The following DCUN1D5 variants were observed in gnomAD, a reference collection of about 807,000 sequenced individuals.
The protein encoded by DCUN1D5 is defective in cullin neddylation 1 domain containing 5, also known as DCN1-like protein 5.
DCUN1D5 carries 10 observed loss-of-function variants against 38.3 expected under a neutral mutation model. That is an observed-to-expected ratio of 0.26 (90% CI 0.16 to 0.44). The LOEUF (loss-of-function observed/expected upper bound fraction) is 0.44, where lower values mean the gene tolerates loss of function less well. Ranked by LOEUF, DCUN1D5 falls within the 20% of genes least tolerant of loss-of-function variation. The probability of loss-of-function intolerance (pLI) is 1.00; values close to 1 mark genes in which losing one functional copy is unlikely to be tolerated. For synonymous variants in DCUN1D5, 93 were observed against 90.9 expected, an observed-to-expected ratio of 1.02 and a Z score of -0.13; for missense variants, 148 against 275.3, an observed-to-expected ratio of 0.54 and a Z score of 3.27.
At position 103,058,706 on chromosome 11, in the gene DCUN1D5, A is replaced by T. The variant is rs1165777223; in HGVS notation, c.*3653T>A. Among the ~76,000 whole-genome samples, 1 of 152,136 alleles carries T rather than the reference A, an allele frequency of 6.6e-6. No homozygotes were observed. Among genetic ancestry groups the T allele is most frequent in the Non-Finnish European group, 1.5e-5 (1 of 67,996 alleles). On this transcript the variant is annotated 3_prime_UTR_variant, in exon 8 of 8. Coordinates refer to ENST00000260247, the MANE Select transcript of DCUN1D5 (RefSeq NM_032299.4). ...TCCAGAATATTTAATAATTCAGACTAGCCTTTCCTATTGAGGAAGTTAATG... is the reference window on the plus strand; with the variant it reads ...TCCAGAATATTTAATAATTCAGACTTGCCTTTCCTATTGAGGAAGTTAATG...
Position 103,063,635 on chromosome 11 carries a change from G to C in DCUN1D5, c.658+640C>G, listed in dbSNP as rs1382218026. On this transcript the variant is annotated intron_variant, in intron 7 of 7. Transcript: ENST00000260247. This position sits in a 1 kb window ranked among gnomAD's most constrained non-coding sequence, Gnocchi z 4.6. ...GAAAACACATGCAACCAACCAAAAT[G>C]GTGGTTGGAACTGAAAAAAATTTAT... Among the ~76,000 whole-genome samples, 1 of 152,012 alleles carries C rather than the reference G, an allele frequency of 6.6e-6. No individual in the cohort carries two copies. Among genetic ancestry groups the C allele is most frequent in the Non-Finnish European group, 1.5e-5 (1 of 67,958 alleles).
Position 103,071,275 on chromosome 11 carries a change from A to G in DCUN1D5, c.342-4708T>C, listed in dbSNP as rs1591211445. Among the ~76,000 whole-genome samples, 1 of 152,034 alleles carries G rather than the reference A, an allele frequency of 6.6e-6. No individual in the cohort carries two copies. Among genetic ancestry groups the G allele is most frequent in the Non-Finnish European group, 1.5e-5 (1 of 67,940 alleles). The stretch of plus-strand genomic sequence containing the variant: ...ATTGAAAAGATCAATAAAATTGACA[A>G]TTCTCTAACAAGACTGACAAAAAAG... On this transcript the variant is annotated intron_variant, in intron 4 of 7. Coordinates refer to ENST00000260247, the MANE Select transcript of DCUN1D5 (RefSeq NM_032299.4). The surrounding 1 kb of genome is among the most constrained non-coding windows in gnomAD (Gnocchi z 4.1).
intron 3 of DCUN1D5, 46 bp from the exon 4 acceptor site, chr11:103,082,885 G>A (rs1189085091): frequency 2.1e-6 from 3 of 1,396,758 alleles, no homozygotes; most frequent in Admixed American, 3.5e-5. Context: ...TCAGCATAGA[G>A]ATAATCATGT....
rs529717877 is a variant in DCUN1D5, at chr11:103,060,778, C to T, written c.*1581G>A. On this transcript the variant is annotated 3_prime_UTR_variant, in exon 8 of 8. Transcript: ENST00000260247. Reference sequence around the variant, plus strand: ...GGATATGTTCTTCAGTTCAGATGTGCCTTGAAGAGTCAACTAAATTATAAA... The same window carrying T: ...GGATATGTTCTTCAGTTCAGATGTGTCTTGAAGAGTCAACTAAATTATAAA... Among the ~76,000 whole-genome samples the T allele has an allele frequency of 6.6e-6, 1 of 152,066 alleles. No homozygotes were observed. Among genetic ancestry groups the T allele is most frequent in the Non-Finnish European group, 1.5e-5 (1 of 67,972 alleles).
In DCUN1D5 at chr11:103,091,596, G is replaced by A. The variant is rs1329785905; in HGVS notation, c.86+191C>T. 9.5e-6 allele frequency: 9 copies of A among 949,690 alleles called. No individual in the cohort carries two copies. The highest frequency in any genetic ancestry group is 1.4e-5 in the Non-Finnish European group (9 of 628,468). The allele number at this position is 949,690 out of a possible 1,614,324, so 58.8% of individuals were successfully genotyped here. On this transcript the variant is annotated intron_variant, in intron 1 of 7. Transcript: ENST00000260247. This position sits in a 1 kb window ranked among gnomAD's most constrained non-coding sequence, Gnocchi z 4.3. ...TTCTAGTCTCTCCATAAACGCCAGC[G>A]TGCACACACTCGAACACGAGGTCGG...
Position 103,058,544 on chromosome 11 carries a change from T to G in DCUN1D5, c.*3815A>C, listed in dbSNP as rs1008747085. Among the ~76,000 whole-genome samples the G allele has an allele frequency of 6.6e-6, 1 of 152,148 alleles. No homozygotes were observed. The highest frequency in any genetic ancestry group is 1.9e-4 in the East Asian group (1 of 5,204). Reference sequence around the variant, plus strand: ...CAGTCTGTAAGTTTATCATAAAAATTAGACTGCTTTTTGGGCTTCCACCAT... The same window carrying G: ...CAGTCTGTAAGTTTATCATAAAAATGAGACTGCTTTTTGGGCTTCCACCAT... On this transcript the variant is annotated 3_prime_UTR_variant, in exon 8 of 8. Coordinates refer to ENST00000260247, the MANE Select transcript of DCUN1D5 (RefSeq NM_032299.4).
rs1591224710 is a variant in DCUN1D5 at position 103,082,948 on chromosome 11, T to C, written c.250-109A>G. ...CACAACTACTTCCATCCTTCAACTATTAAAGAGTACAACCTCTGGAATTAT... is the reference window on the plus strand; with the variant it reads ...CACAACTACTTCCATCCTTCAACTACTAAAGAGTACAACCTCTGGAATTAT... On this transcript the variant is annotated intron_variant, in intron 3 of 7. Coordinates refer to ENST00000260247, the MANE Select transcript of DCUN1D5 (RefSeq NM_032299.4). 5.1e-6 allele frequency: 4 copies of C among 789,440 alleles called. No homozygotes were observed. The African/African-American group carries it at 5.2e-5, about 10-fold the overall frequency. The allele number at this position is 789,440 out of a possible 1,614,324, so 48.9% of individuals were successfully genotyped here.
At position 103,053,871 on chromosome 11, in the gene DCUN1D5, T is replaced by C. The variant is rs956361381; in HGVS notation, c.*8488A>G. 16 of 152,116 alleles carry C rather than the reference T, an allele frequency of 1.1e-4. No individual in the cohort carries two copies. The highest frequency in any genetic ancestry group is 3.6e-4 in the African/African-American group (15 of 41,446). The allele number at this position is 152,116 out of a possible 1,614,324, so 9.4% of individuals were successfully genotyped here. A position where few individuals can be genotyped will look rare whatever the true frequency, so the allele number is the denominator to read the frequency against. On this transcript the variant is annotated 3_prime_UTR_variant, in exon 8 of 8. Transcript: ENST00000260247. The surrounding 1 kb of genome is among the most constrained non-coding windows in gnomAD (Gnocchi z 4.8). ...GAGGTTCAATTGATGTTTTTCCAGATAGCAAAGAGTAACTAATATTTACTG... is the reference window on the plus strand; with the variant it reads ...GAGGTTCAATTGATGTTTTTCCAGACAGCAAAGAGTAACTAATATTTACTG...
chr11:103,068,923 A>G (rs1472185354), intron 4 of DCUN1D5, among the ~76,000 whole-genome samples: 2 of 152,210 alleles, frequency 1.3e-5, no homozygotes, highest in Non-Finnish European at 2.9e-5. Context: ...CTTGACAAGA[A>G]CTGTTTTGAA....
Position 103,059,445 on chromosome 11 carries a change from T to C in DCUN1D5, c.*2914A>G, listed in dbSNP as rs1299431097. ...AAGAGAAATACTCCTCAATCTAACATTCCCAAAGAAGGCTTCAAATTGCAG... is the reference window on the plus strand; with the variant it reads ...AAGAGAAATACTCCTCAATCTAACACTCCCAAAGAAGGCTTCAAATTGCAG... On this transcript the variant is annotated 3_prime_UTR_variant, in exon 8 of 8. Transcript: ENST00000260247. Among the ~76,000 whole-genome samples the C allele has an allele frequency of 6.6e-6, 1 of 152,068 alleles. No homozygotes were observed. The highest frequency in any genetic ancestry group is 1.5e-5 in the Non-Finnish European group (1 of 68,008).
In DCUN1D5 at chr11:103,071,463, T is replaced by C. The variant is rs1385845291; in HGVS notation, c.342-4896A>G. Among the ~76,000 whole-genome samples, 1 of 151,292 alleles carries C rather than the reference T, an allele frequency of 6.6e-6. No homozygotes were observed. On this transcript the variant is annotated intron_variant, in intron 4 of 7. Coordinates refer to ENST00000260247, the MANE Select transcript of DCUN1D5 (RefSeq NM_032299.4). The surrounding 1 kb of genome is among the most constrained non-coding windows in gnomAD (Gnocchi z 4.1). ...ACACACACAAATTTTTCTACACATATAAAGATTTTTATACAGGTATAATCT... is the reference window on the plus strand; with the variant it reads ...ACACACACAAATTTTTCTACACATACAAAGATTTTTATACAGGTATAATCT...
rs532033238 is a variant in DCUN1D5 at position 103,065,345 on chromosome 11, C to T, written c.555+924G>A. 2.2e-4 allele frequency among the ~76,000 whole-genome samples: 34 copies of T among 151,970 alleles called. No individual in the cohort carries two copies. Among genetic ancestry groups the T allele is most frequent in the Admixed American group, 9.2e-4 (14 of 15,256 alleles). On this transcript the variant is annotated intron_variant, in intron 6 of 7. Coordinates refer to ENST00000260247, the MANE Select transcript of DCUN1D5 (RefSeq NM_032299.4). The surrounding 1 kb of genome is among the most constrained non-coding windows in gnomAD (Gnocchi z 4.6). ...TTTTTGTGTGTATTTTTAGTAGAGA[C>T]GGGGATTCACCATGTTGGCCAGGCT...
intron 4 of DCUN1D5, chr11:103,080,057 C>T (rs564679693): frequency 6.6e-6 from 1 of 152,286 alleles, no homozygotes; most frequent in East Asian, 1.9e-4. Flanking sequence ...TAAAGCATTA[C>T]ACAATATAGA....
rs536028082 is a variant in DCUN1D5, at chr11:103,066,126, G to T, written c.555+143C>A. 2.1e-5 allele frequency: 9 copies of T among 432,354 alleles called. No individual in the cohort carries two copies. Among genetic ancestry groups the T allele is most frequent in the African/African-American group, 8.2e-5 (4 of 48,718 alleles). 26.8% of individuals were successfully genotyped at this position (432,354 alleles called of 1,614,324 possible). A position where few individuals can be genotyped will look rare whatever the true frequency, so the allele number is the denominator to read the frequency against. On this transcript the variant is annotated intron_variant, in intron 6 of 7. Transcript: ENST00000260247. The surrounding 1 kb of genome is among the most constrained non-coding windows in gnomAD (Gnocchi z 4.7). ...AAACATGAACTTCTATCTAAAAATA[G>T]CAACTGATATGTACATATTTTAGAA...
rs1382225554 is a variant in DCUN1D5 at position 103,073,020 on chromosome 11, G to A, written c.342-6453C>T. ...GTCTATACAGAAAACATCTTAGAAC[G>A]AACAGGTGAGTTCAGCAAGGTCACA... On this transcript the variant is annotated intron_variant, in intron 4 of 7. Coordinates refer to ENST00000260247, the MANE Select transcript of DCUN1D5 (RefSeq NM_032299.4). This position sits in a 1 kb window ranked among gnomAD's most constrained non-coding sequence, Gnocchi z 4.2. 3.9e-5 allele frequency among the ~76,000 whole-genome samples: 6 copies of A among 151,972 alleles called. No individual in the cohort carries two copies. Among genetic ancestry groups the A allele is most frequent in the South Asian group, 2.1e-4 (1 of 4,822 alleles).
rs1403628402 is a variant in DCUN1D5, at chr11:103,078,816, A to C, written c.341+3932T>G. On this transcript the variant is annotated intron_variant, in intron 4 of 7. Transcript: ENST00000260247. The surrounding 1 kb of genome is among the most constrained non-coding windows in gnomAD (Gnocchi z 4.6). ...CTGTATCCTCAACAAACAAAATCCT[A>C]ATCATTCTTCATGTTCTAGTTCACA... Among the ~76,000 whole-genome samples the C allele has an allele frequency of 6.6e-6, 1 of 152,188 alleles. No homozygotes were observed. Among genetic ancestry groups the C allele is most frequent in the African/African-American group, 2.4e-5 (1 of 41,448 alleles).
At chr11:103,080,576 C>G (rs1862534433) in intron 4 of DCUN1D5, among the ~76,000 whole-genome samples, 1 of 152,166 alleles carries the variant, frequency 6.6e-6, no homozygotes, top group South Asian at 2.1e-4. Flanking sequence ...CTTCAAGGCT[C>G]TACAGTATAT....
At chr11:103,069,957 A>G (rs569576600) in intron 4 of DCUN1D5, among the ~76,000 whole-genome samples, 1 of 152,314 alleles carries the variant, frequency 6.6e-6, no homozygotes, top group East Asian at 1.9e-4. Flanking sequence ...TCAAACCAAG[A>G]TCTCAAATGG....
chr11:103,081,650 T>C (rs1208982583), intron 4 of DCUN1D5, among the ~76,000 whole-genome samples: 2 of 152,146 alleles, frequency 1.3e-5, no homozygotes, highest in African/African-American at 4.8e-5. Context: ...GCCAAATATT[T>C]TCGTAACCTC....
Sources: allele counts gnomAD v4.1 joint callset (sites outside exome capture counted in the v4.1 genomes callset), GRCh38; gene constraint gnomAD v4.1.1; non-coding constraint Gnocchi (gnomAD v3.1); transcripts MANE v1.5; gene names NCBI Gene and HGNC (gene_info 2026-07-23, HGNC 2026-07-21).